DIS3L2: variants seen among roughly 807,000 people sequenced by gnomAD.
DIS3L2 encodes the protein DIS3-like exonuclease 2.
Under a neutral mutation model 97.5 loss-of-function variants are expected in DIS3L2, and 34 were observed. The observed-to-expected ratio is 0.35, with a 90% confidence interval of 0.27 to 0.46. The LOEUF is 0.46. Ranked by LOEUF, DIS3L2 falls within the 20% of genes least tolerant of loss-of-function variation. The probability of loss-of-function intolerance (pLI) is 1.00; values close to 1 mark genes in which losing one functional copy is unlikely to be tolerated. For missense variants in DIS3L2, 1,038 were observed against 1,146.0 expected, an observed-to-expected ratio of 0.91 and a Z score of 1.36; for synonymous variants, 435 against 445.2, an observed-to-expected ratio of 0.98 and a Z score of 0.29.
At chr2:232,193,797 C>CT (rs1258950232) in intron 9 of DIS3L2, among the ~76,000 whole-genome samples, 1 of 152,148 alleles carries the variant, frequency 6.6e-6, no homozygotes, top group Non-Finnish European at 1.5e-5. Context: ...CTCTACTAGC[C>CT]TTTTTTTCCA....
At chr2:232,167,183 T>G (rs1338580312) in intron 9 of DIS3L2, among the ~76,000 whole-genome samples, 6 of 152,198 alleles carry the variant, frequency 3.9e-5, no homozygotes, top group Non-Finnish European at 5.9e-5. Context: ...ATTACTACTT[T>G]AGGCATCAAG....
intron 1 of DIS3L2, among the ~76,000 whole-genome samples, chr2:231,981,686 CAT>C (rs376054106): frequency 1.2e-4 from 16 of 135,462 alleles, no homozygotes; most frequent in East Asian, 2.2e-4. Context: ...AATAAGTTAA[CAT>C]ATGTTTATTT....
chr2:232,274,832 C>T (rs555705149), intron 13 of DIS3L2, among the ~76,000 whole-genome samples: 2 of 152,294 alleles, frequency 1.3e-5, no homozygotes, highest in South Asian at 4.1e-4. Flanking sequence ...AGCATGAAAA[C>T]AAAGACGACA....
At chr2:232,078,957 G>A (rs1696298871) in intron 5 of DIS3L2, among the ~76,000 whole-genome samples, 1 of 152,230 alleles carries the variant, frequency 6.6e-6, no homozygotes, top group African/African-American at 2.4e-5. Context: ...GGTCTTAAAA[G>A]ATGGATAGAT....
chr2:232,019,392 A>G (rs1694449426), intron 3 of DIS3L2, among the ~76,000 whole-genome samples: 1 of 151,972 alleles, frequency 6.6e-6, no homozygotes, highest in Non-Finnish European at 1.5e-5. Flanking sequence ...TCTGTACAAA[A>G]TAAAAATCAG....
At chr2:232,140,926 A>G (rs1698493515) in intron 8 of DIS3L2, among the ~76,000 whole-genome samples, 1 of 152,216 alleles carries the variant, frequency 6.6e-6, no homozygotes, top group African/African-American at 2.4e-5. Context: ...AATGCTATCA[A>G]AACCCAAGTG....
At chr2:232,039,579 G>A (rs149559296) in intron 5 of DIS3L2, among the ~76,000 whole-genome samples, 27 of 152,252 alleles carry the variant, frequency 1.8e-4, no homozygotes, top group African/African-American at 6.0e-4. Flanking sequence ...GTATCAAGCT[G>A]TGAGGCAATA....
chr2:232,035,482 G>A (rs1202634098), intron 5 of DIS3L2, among the ~76,000 whole-genome samples: 1 of 152,084 alleles, frequency 6.6e-6, no homozygotes, highest in African/African-American at 2.4e-5. Context: ...TTAATTGGGG[G>A]ATTTAGCCCA....
In DIS3L2 at chr2:232,269,803, T is replaced by C. The variant is rs1225541364; in HGVS notation, c.1659+6363T>C. On this transcript the variant is annotated intron_variant, in intron 13 of 20. Transcript: ENST00000325385. The surrounding 1 kb of genome is among the most constrained non-coding windows in gnomAD (Gnocchi z 4.5). ...GACACAGGCTAGGCCTTGGAGTCTGTAGGAATGAACCAGGGCAGCTATGGA... is the reference window on the plus strand; with the variant it reads ...GACACAGGCTAGGCCTTGGAGTCTGCAGGAATGAACCAGGGCAGCTATGGA... 6.6e-6 allele frequency among the ~76,000 whole-genome samples: 1 copy of C among 152,058 alleles called. No homozygotes were observed. Among genetic ancestry groups the C allele is most frequent in the East Asian group, 1.9e-4 (1 of 5,190 alleles).
At chr2:232,267,624 T>C (rs1247496282) in intron 13 of DIS3L2, among the ~76,000 whole-genome samples, 1 of 152,230 alleles carries the variant, frequency 6.6e-6, no homozygotes, top group Non-Finnish European at 1.5e-5. Flanking sequence ...AAAGGAATCA[T>C]AATGCTTTAT....
intron 1 of DIS3L2, among the ~76,000 whole-genome samples, chr2:231,968,968 G>C (rs988488623): frequency 5.3e-5 from 8 of 152,120 alleles, no homozygotes; most frequent in African/African-American, 1.9e-4. Context: ...CACAAGATCT[G>C]ATGGTTTCAT....
intron 16 of DIS3L2, among the ~76,000 whole-genome samples, chr2:232,331,048 C>T (rs553091252): frequency 1.8e-4 from 27 of 152,320 alleles, no homozygotes; most frequent in Admixed American, 3.3e-4. Context: ...TGAGGGGCTA[C>T]TGAGACCTCC....
At chr2:232,098,358 T>TTC in intron 6 of DIS3L2, among the ~76,000 whole-genome samples, 1 of 150,590 alleles carries the variant, frequency 6.6e-6, no homozygotes, top group Admixed American at 6.6e-5. Flanking sequence ...GTTTCTAATT[T>TTC]TTTTTTTTTT....
At position 232,148,072 on chromosome 2, in the gene DIS3L2, A is replaced by T. The variant is rs1371802518; in HGVS notation, c.950+11353A>T. Among the ~76,000 whole-genome samples, 9 of 111,300 alleles carry T rather than the reference A, an allele frequency of 8.1e-5. No homozygotes were observed. In the Admixed American group the frequency reaches 8.5e-4, roughly 11 times the overall value. The allele number at this position is 111,300 out of a possible 152,430, so 73.0% of individuals were successfully genotyped here. A position where few individuals can be genotyped will look rare whatever the true frequency, so the allele number is the denominator to read the frequency against. On this transcript the variant is annotated intron_variant, in intron 8 of 20. Coordinates refer to ENST00000325385, the MANE Select transcript of DIS3L2 (RefSeq NM_152383.5). ...CCCTCCCCTCCCCTCTTTTCTTTTG[A>T]CGGAGTCTCACTGTGTCGCCAGGCT...
chr2:232,308,195 G>A (rs923589479), intron 14 of DIS3L2, among the ~76,000 whole-genome samples: 1 of 152,200 alleles, frequency 6.6e-6, no homozygotes, highest in South Asian at 2.1e-4. Flanking sequence ...CGTAGTTTTG[G>A]GGGTGCAGTT....
chr2:231,971,850 G>A (rs1692925039), intron 1 of DIS3L2, among the ~76,000 whole-genome samples: 1 of 151,156 alleles, frequency 6.6e-6, no homozygotes, highest in Non-Finnish European at 1.5e-5. Flanking sequence ...CAAAGTGCTG[G>A]GATTACAGGT....
At chr2:231,988,113 G>A (rs1693473572) in intron 1 of DIS3L2, among the ~76,000 whole-genome samples, 2 of 152,196 alleles carry the variant, frequency 1.3e-5, no homozygotes. Context: ...AAAGTGCTGG[G>A]ATTATAGGCG....
Position 231,995,230 on chromosome 2 carries a change from A to G in DIS3L2, c.-93-19605A>G, listed in dbSNP as rs1397683844. Among the ~76,000 whole-genome samples the G allele has an allele frequency of 2.6e-5, 4 of 152,114 alleles. No homozygotes were observed. In the East Asian group the frequency reaches 7.7e-4, roughly 29 times the overall value. ...TTCCTTATGTGCTTTGTAAGCATTT[A>G]GCAGGCTTTTGACTGTAGGCATATT... On this transcript the variant is annotated intron_variant, in intron 1 of 20. Transcript: ENST00000325385.
chr2:232,144,049 T>C (rs1331316452), intron 8 of DIS3L2, among the ~76,000 whole-genome samples: 1 of 152,152 alleles, frequency 6.6e-6, no homozygotes, highest in African/African-American at 2.4e-5. Flanking sequence ...CTCATTTTAG[T>C]CGATAATATT....
Sources: gnomAD v4.1 joint callset for allele counts (sites outside exome capture counted in the v4.1 genomes callset) on GRCh38, gnomAD v4.1.1 for gene constraint, Gnocchi (gnomAD v3.1) non-coding constraint, MANE v1.5 for transcripts, NCBI Gene and HGNC (gene_info 2026-07-23, HGNC 2026-07-21) for gene names.